Variants in MYO9A observed in about 807,000 individuals in gnomAD.
The protein encoded by MYO9A is myosin IXA.
Under a neutral mutation model 293.3 loss-of-function variants are expected in MYO9A, and 103 were observed. The ratio of observed to expected loss-of-function variants is 0.35; its 90% confidence interval spans 0.30 to 0.41. MYO9A has a LOEUF of 0.41. MYO9A is among the 10% of genes least tolerant of loss of function. The pLI, the probability that MYO9A is intolerant of heterozygous loss-of-function variation, is 1.00. For missense variants in MYO9A, 2,685 were observed against 3,033.0 expected, an observed-to-expected ratio of 0.89 and a Z score of 2.69; for synonymous variants, 1,001 against 1,035.7, an observed-to-expected ratio of 0.97 and a Z score of 0.64.
At chr15:72,006,712 C>T (rs150500940) in intron 8 of MYO9A, among the ~76,000 whole-genome samples, 158 of 152,022 alleles carry the variant, frequency 1.0e-3, no homozygotes, top group African/African-American at 3.5e-3. Context: ...GGGGATTCCA[C>T]GAAGGAATGT....
chr15:71,926,372 AG>A (rs749979797), intron 18 of MYO9A, among the ~76,000 whole-genome samples: 14 of 152,110 alleles, frequency 9.2e-5, no homozygotes, highest in Non-Finnish European at 2.1e-4. Flanking sequence ...AAGTCCAGAC[AG>A]GGCAACATAA....
At chr15:71,910,097 T>C (rs1211834019) in intron 19 of MYO9A, among the ~76,000 whole-genome samples, 1 of 146,348 alleles carries the variant, frequency 6.8e-6, no homozygotes, top group African/African-American at 2.5e-5. Flanking sequence ...CGTATATATA[T>C]ATACGTATAT....
chr15:71,954,520 T>C (rs1056531834), intron 14 of MYO9A, among the ~76,000 whole-genome samples: 1 of 152,210 alleles, frequency 6.6e-6, no homozygotes, highest in Non-Finnish European at 1.5e-5. Flanking sequence ...CATCAACTCT[T>C]AAAAGAGATT....
intron 39 of MYO9A, among the ~76,000 whole-genome samples, chr15:71,840,287 C>T (rs1389125929): frequency 6.6e-6 from 1 of 152,204 alleles, no homozygotes; most frequent in Non-Finnish European, 1.5e-5. Context: ...GATGTGGAGT[C>T]CTTTTTCCTT....
At chr15:71,986,895 A>C (rs2148225489) in intron 11 of MYO9A, among the ~76,000 whole-genome samples, 1 of 152,328 alleles carries the variant, frequency 6.6e-6, no homozygotes. Context: ...GTGTGTGTAC[A>C]GTAATGTCCT....
chr15:71,891,070 T>A (rs539671748), intron 26 of MYO9A: 1 of 152,122 alleles, frequency 6.6e-6, no homozygotes, highest in African/African-American at 2.4e-5. Context: ...ACCCACCCCA[T>A]CCCCAACCCT....
chr15:71,947,452 A>C (rs1369043059), intron 15 of MYO9A, among the ~76,000 whole-genome samples: 1 of 151,922 alleles, frequency 6.6e-6, no homozygotes, highest in Non-Finnish European at 1.5e-5. Flanking sequence ...GTACTTCTTT[A>C]TTTATATTCC....
chr15:72,084,121 A>C (rs2079637743), intron 1 of MYO9A, among the ~76,000 whole-genome samples: 1 of 152,144 alleles, frequency 6.6e-6, no homozygotes, highest in Admixed American at 6.5e-5. Flanking sequence ...ATGGTGTAGA[A>C]GTCTACATCT....
intron 19 of MYO9A, among the ~76,000 whole-genome samples, chr15:71,909,409 A>G (rs1427444106): frequency 6.6e-6 from 1 of 152,206 alleles, no homozygotes; most frequent in Non-Finnish European, 1.5e-5. Flanking sequence ...TCTCACCAGC[A>G]TTTGGTGTTG....
At chr15:71,833,481 A>G (rs940141418) in intron 39 of MYO9A, among the ~76,000 whole-genome samples, 7 of 152,064 alleles carry the variant, frequency 4.6e-5, no homozygotes, top group Admixed American at 1.3e-4. Context: ...AATTTAAAGT[A>G]AAATATTGAC....
chr15:71,945,468 T>C (rs2058888804), intron 15 of MYO9A, among the ~76,000 whole-genome samples: 1 of 152,118 alleles, frequency 6.6e-6, no homozygotes, highest in Admixed American at 6.6e-5. Context: ...TTGTAAAATA[T>C]AGGAGAGGAC....
At position 71,951,876 on chromosome 15, in the gene MYO9A, A is replaced by G. The variant is rs1272915572; in HGVS notation, c.2203T>C (p.Cys735Arg). Reference sequence around the variant, plus strand: ...CTATCCATACTTTTCAAAATTGCACATGGCGCTGTATCATCATGTCCTTAG... The same window carrying G: ...CTATCCATACTTTTCAAAATTGCACGTGGCGCTGTATCATCATGTCCTTAG... ...RKTGHDDTAPCAILKSMDSFS... is the reference protein window; with the variant it reads ...RKTGHDDTAPRAILKSMDSFS... Residue 735 changes from cysteine (C) to arginine (R), a missense_variant, in exon 15 of 42, where the codon TGT becomes CGT. This residue lies in a region of MYO9A where 1,434 missense variants were observed against 1,497.7 expected (regional missense o/e 0.96). Coordinates refer to ENST00000356056, the MANE Select transcript of MYO9A (RefSeq NM_006901.4). The G allele has an allele frequency of 4.4e-6, 7 of 1,608,918 alleles. No individual in the cohort carries two copies. The highest frequency in any genetic ancestry group is 2.2e-5 in the East Asian group (1 of 44,810).
Position 71,994,472 on chromosome 15 carries a change from G to T in MYO9A, c.1584C>A (p.Thr528=). ...TTATAATCCAATATATCATTACCTT[G>T]GTATTATGCTCTAAATCTTTACTAT... The part of the protein sequence containing the change: ...LLNSKDLEHN[T]KTLSIGVLDI... Residue 528 remains threonine, a synonymous_variant, in exon 10 of 42, where the codon ACC becomes ACA. Transcript: ENST00000356056. The T allele has an allele frequency of 1.3e-6, 2 of 1,541,448 alleles. No individual in the cohort carries two copies. Among genetic ancestry groups the T allele is most frequent in the Non-Finnish European group, 1.8e-6 (2 of 1,132,574 alleles).
chr15:71,907,875 T>C (rs1419316220), intron 19 of MYO9A, among the ~76,000 whole-genome samples: 2 of 152,178 alleles, frequency 1.3e-5, no homozygotes, highest in Admixed American at 1.3e-4. Context: ...TTGCAAAAAT[T>C]TTCTCCCATT....
In MYO9A at chr15:71,825,211, A is replaced by C. The variant is rs770644318; in HGVS notation, c.*1369T>G. 1 of 152,210 alleles carries C rather than the reference A, an allele frequency of 6.6e-6. No homozygotes were observed. The highest frequency in any genetic ancestry group is 2.4e-5 in the African/African-American group (1 of 41,464). 9.4% of individuals were successfully genotyped at this position (152,210 alleles called of 1,614,324 possible). A position where few individuals can be genotyped will look rare whatever the true frequency, so the allele number is the denominator to read the frequency against. On this transcript the variant is annotated 3_prime_UTR_variant, in exon 42 of 42. Transcript: ENST00000356056. ...GCTATTATAACTCATGTGTATGAAG[A>C]CCACCCAGTGGTGAAAATGATGTCT...
At chr15:72,007,793 T>C (rs2077058545) in intron 8 of MYO9A, 33 bp downstream of exon 8, 2 of 1,594,242 alleles carry the variant, frequency 1.3e-6, no homozygotes, top group Non-Finnish European at 1.7e-6. Context: ...GTTACAAAGA[T>C]TTGAAATGAC....
chr15:71,998,332 G>C (rs1398293836), intron 9 of MYO9A, among the ~76,000 whole-genome samples: 1 of 152,090 alleles, frequency 6.6e-6, no homozygotes, highest in Non-Finnish European at 1.5e-5. Flanking sequence ...ATCAGGAAAA[G>C]TAACTAACGG....
At chr15:71,828,893 C>T (rs2054613313) in intron 40 of MYO9A, among the ~76,000 whole-genome samples, 1 of 152,190 alleles carries the variant, frequency 6.6e-6, no homozygotes, top group Non-Finnish European at 1.5e-5. Context: ...TCACAACCTC[C>T]TTATCCTTCC....
chr15:72,117,886 G>C lies in MYO9A; in HGVS notation c.-278C>G, dbSNP rs2081059677. 2.5e-6 allele frequency: 1 copy of C among 398,128 alleles called. No individual in the cohort carries two copies. Among genetic ancestry groups the C allele is most frequent in the South Asian group, 1.3e-4 (1 of 7,892 alleles). 24.7% of individuals were successfully genotyped at this position (398,128 alleles called of 1,614,324 possible). ...CCGCCCTGTCAGAGAGACTCCGCCCGGCCTGAGCAGGCACATCCCCCGCCG... is the reference window on the plus strand; with the variant it reads ...CCGCCCTGTCAGAGAGACTCCGCCCCGCCTGAGCAGGCACATCCCCCGCCG... On this transcript the variant is annotated 5_prime_UTR_variant, in exon 1 of 42. Coordinates refer to ENST00000356056, the MANE Select transcript of MYO9A (RefSeq NM_006901.4).
Sources: allele counts gnomAD v4.1 joint callset (sites outside exome capture counted in the v4.1 genomes callset), GRCh38; gene constraint gnomAD v4.1.1; regional missense constraint gnomAD v4.1.1; transcripts MANE v1.5; gene names NCBI Gene and HGNC (gene_info 2026-07-23, HGNC 2026-07-21).